MAN1A1: variants seen among roughly 807,000 people sequenced by gnomAD.
MAN1A1 encodes mannosyl-oligosaccharide 1,2-alpha-mannosidase IA.
In MAN1A1, 29 loss-of-function variants were observed where a neutral mutation model predicts 70.8. That is an observed-to-expected ratio of 0.41 (90% CI 0.31 to 0.56). The LOEUF is 0.56. Ranked by LOEUF, MAN1A1 falls within the 20% of genes least tolerant of loss-of-function variation. The pLI, the probability that MAN1A1 is intolerant of heterozygous loss-of-function variation, is 0.29. For missense variants in MAN1A1, 747 were observed against 841.3 expected (o/e 0.89, Z 1.39); for synonymous variants, 349 against 330.1 (o/e 1.06, Z -0.62).
At chr6:119,192,365 T>C (rs1773464577) in intron 9 of MAN1A1, among the ~76,000 whole-genome samples, 2 of 152,178 alleles carry the variant, frequency 1.3e-5, no homozygotes, top group Admixed American at 6.5e-5. Context: ...TTGATGTTAA[T>C]CATGTGCCTT....
intron 2 of MAN1A1, among the ~76,000 whole-genome samples, chr6:119,330,892 T>A (rs998035828): frequency 6.6e-6 from 1 of 152,250 alleles, no homozygotes; most frequent in East Asian, 1.9e-4. Flanking sequence ...CAGGTTCCCA[T>A]AGTAACTCTA....
At chr6:119,301,355 T>C (rs1263240902) in intron 4 of MAN1A1, among the ~76,000 whole-genome samples, 2 of 152,236 alleles carry the variant, frequency 1.3e-5, no homozygotes, top group Non-Finnish European at 2.9e-5. Flanking sequence ...CAAGAAGTAT[T>C]AGAAGTATTC....
At chr6:119,330,530 G>A (rs189683190) in intron 2 of MAN1A1, among the ~76,000 whole-genome samples, 2 of 152,142 alleles carry the variant, frequency 1.3e-5, no homozygotes, top group East Asian at 1.9e-4. Flanking sequence ...GATTACTGCC[G>A]AGCCTTCTAA....
At chr6:119,275,340 T>C (rs1437187180) in intron 5 of MAN1A1, among the ~76,000 whole-genome samples, 170 of 78,502 alleles carry the variant, frequency 2.2e-3, no homozygotes, top group African/African-American at 2.6e-3. Context: ...GGAGTCTCGC[T>C]CTGTCGCCCA....
At chr6:119,341,028 T>C (rs1404743713) in intron 2 of MAN1A1, among the ~76,000 whole-genome samples, 3 of 152,226 alleles carry the variant, frequency 2.0e-5, no homozygotes, top group Non-Finnish European at 4.4e-5. Flanking sequence ...TCAATTTTAT[T>C]ATCTCTGTTC....
chr6:119,318,029 AATT>A (rs1177835439), intron 2 of MAN1A1, among the ~76,000 whole-genome samples: 1 of 152,170 alleles, frequency 6.6e-6, no homozygotes, highest in Non-Finnish European at 1.5e-5. Context: ...CAGTTTTACA[AATT>A]ATTATCTGGG....
At chr6:119,310,539 C>T (rs926437137) in intron 2 of MAN1A1, among the ~76,000 whole-genome samples, 6 of 152,164 alleles carry the variant, frequency 3.9e-5, no homozygotes, top group African/African-American at 1.4e-4. Flanking sequence ...CATGAGCCTC[C>T]AACGTGGGGC....
intron 5 of MAN1A1, among the ~76,000 whole-genome samples, chr6:119,260,120 G>A (rs1238023351): frequency 6.6e-6 from 1 of 152,124 alleles, no homozygotes; most frequent in African/African-American, 2.4e-5. Flanking sequence ...GGGTTAGATA[G>A]TAAATATTTT....
chr6:119,234,280 A>C (rs931228076), intron 6 of MAN1A1, among the ~76,000 whole-genome samples: 3 of 152,230 alleles, frequency 2.0e-5, no homozygotes, highest in African/African-American at 4.8e-5. Context: ...TCATGTTTGC[A>C]TTTAACTTAA....
In MAN1A1 at chr6:119,323,612, C is replaced by A. The variant is rs1472487736; in HGVS notation, c.604-16620G>T. On this transcript the variant is annotated intron_variant, in intron 2 of 12. Transcript: ENST00000368468. ...ACAGAGTGGAAGGTATGGGAATGTG[C>A]CCAGGTTCTTTCCTACATGATCCAG... Among the ~76,000 whole-genome samples the A allele has an allele frequency of 2.0e-5, 3 of 152,106 alleles. No individual in the cohort carries two copies. The East Asian group carries it at 5.8e-4, about 29-fold the overall frequency.
chr6:119,308,206 C>T (rs1177732386), intron 2 of MAN1A1, among the ~76,000 whole-genome samples: 1 of 152,130 alleles, frequency 6.6e-6, no homozygotes, highest in African/African-American at 2.4e-5. Context: ...CATTTTTCCA[C>T]AGACAAGGTG....
intron 2 of MAN1A1, among the ~76,000 whole-genome samples, chr6:119,323,617 G>A (rs117497208): frequency 0.025 from 3,846 of 152,240 alleles, 79 homozygotes; most frequent in Non-Finnish European, 0.039. Context: ...ATGTGCCCAG[G>A]TTCTTTCCTA....
At position 119,348,989 on chromosome 6, in the gene MAN1A1, C is replaced by T; in HGVS notation, c.77G>A (p.Gly26Asp). The stretch of plus-strand genomic sequence containing the variant: ...GGCGGGGCCCGACCCCTTCCTGCCA[C>T]CGCCGCCGCCGAGCCCCCCGCCCAG... ...GVLGGGLGGG[G>D]GRKGSGPAAL... The change falls in exon 2 of 13, where the codon GGT becomes GAT. Residue 26 changes from glycine (G) to aspartate (D), a missense_variant. Gly to Asp is a moderately conservative substitution (Grantham distance 94). Transcript: ENST00000368468. 6.9e-7 allele frequency: 1 copy of T among 1,441,864 alleles called. No individual in the cohort carries two copies. 89.3% of individuals were successfully genotyped at this position (1,441,864 alleles called of 1,614,324 possible). A position where few individuals can be genotyped will look rare whatever the true frequency, so the allele number is the denominator to read the frequency against.
At chr6:119,254,777 T>C (rs752307241) in intron 5 of MAN1A1, among the ~76,000 whole-genome samples, 23 of 152,220 alleles carry the variant, frequency 1.5e-4, no homozygotes, top group Non-Finnish European at 2.8e-4. Flanking sequence ...ATTACATTCA[T>C]AACAAAAGTC....
chr6:119,349,379 G>A, intron 1 of MAN1A1, 92 bp from the exon 2 acceptor site: 1 of 1,002,460 alleles, frequency 1.0e-6, no homozygotes, highest in East Asian at 6.7e-5. Flanking sequence ...GAGCCTCCAG[G>A]ACCGCTCCCC....
In MAN1A1 at chr6:119,304,582, C is replaced by G. The variant is rs576082694; in HGVS notation, c.700+2314G>C. ...AGATGGAATTGGGAGATCATGAATA[C>G]TTAAGATTTTTTTTATATTCATTAA... On this transcript the variant is annotated intron_variant, in intron 3 of 12. Transcript: ENST00000368468. 3.3e-5 allele frequency among the ~76,000 whole-genome samples: 5 copies of G among 152,114 alleles called. No individual in the cohort carries two copies. The East Asian group carries it at 7.7e-4, about 24-fold the overall frequency.
At chr6:119,341,605 ACT>A (rs946099359) in intron 2 of MAN1A1, among the ~76,000 whole-genome samples, 3 of 152,040 alleles carry the variant, frequency 2.0e-5, no homozygotes, top group African/African-American at 4.8e-5. Flanking sequence ...AAAAGACCAA[ACT>A]CTCTGAGCTA....
intron 5 of MAN1A1, among the ~76,000 whole-genome samples, chr6:119,273,364 T>C (rs1775975977): frequency 6.6e-6 from 1 of 152,188 alleles, no homozygotes; most frequent in African/African-American, 2.4e-5. Context: ...TTTCCATAGC[T>C]GAAATCATAT....
intron 6 of MAN1A1, among the ~76,000 whole-genome samples, chr6:119,240,768 T>C (rs1774982875): frequency 6.6e-6 from 1 of 152,224 alleles, no homozygotes; most frequent in African/African-American, 2.4e-5. Flanking sequence ...ACATTTAAAT[T>C]AAGTGTTGCT....
Sources: gnomAD v4.1 joint callset for allele counts (sites outside exome capture counted in the v4.1 genomes callset) on GRCh38, gnomAD v4.1.1 for gene constraint, MANE v1.5 for transcripts, NCBI Gene and HGNC (gene_info 2026-07-23, HGNC 2026-07-21) for gene names.